The following NPAS3 variants were observed in gnomAD, a reference collection of about 807,000 sequenced individuals.
NPAS3 encodes neuronal PAS domain-containing protein 3.
NPAS3 carries 14 observed loss-of-function variants against 73.1 expected under a neutral mutation model. The observed-to-expected ratio is 0.19, with a 90% confidence interval of 0.13 to 0.30. NPAS3 has a LOEUF of 0.30. Among genes scored for constraint, NPAS3 ranks in the 10% least tolerant of loss-of-function variants. The pLI is 1.00. For synonymous variants in NPAS3, 620 were observed against 541.5 expected, an observed-to-expected ratio of 1.14 and a Z score of -2.01; for missense variants, 1,096 against 1,250.0, an observed-to-expected ratio of 0.88 and a Z score of 1.86.
intron 2 of NPAS3, among the ~76,000 whole-genome samples, chr14:33,142,536 T>A (rs1477994696): frequency 6.6e-6 from 1 of 152,192 alleles, no homozygotes; most frequent in Non-Finnish European, 1.5e-5. Context: ...TGCCATATTT[T>A]TATAATATGT....
chr14:33,640,158 A>C (rs181025623), intron 5 of NPAS3, among the ~76,000 whole-genome samples: 1 of 152,232 alleles, frequency 6.6e-6, no homozygotes, highest in African/African-American at 2.4e-5. Context: ...CGAAGGTTGC[A>C]GTGAGCCGAG....
At chr14:33,429,621 G>A (rs987244267) in intron 4 of NPAS3, among the ~76,000 whole-genome samples, 3 of 152,076 alleles carry the variant, frequency 2.0e-5, no homozygotes, top group African/African-American at 7.2e-5. Context: ...ATCCTTATAT[G>A]AGAAGAACAG....
At chr14:33,211,306 C>A (rs1213722181) in intron 2 of NPAS3, among the ~76,000 whole-genome samples, 1 of 152,160 alleles carries the variant, frequency 6.6e-6, no homozygotes, top group African/African-American at 2.4e-5. Flanking sequence ...TTAGGCTGGG[C>A]GTGGTGGCTC....
At chr14:33,384,627 C>T (rs903204415) in intron 4 of NPAS3, among the ~76,000 whole-genome samples, 17 of 152,012 alleles carry the variant, frequency 1.1e-4, no homozygotes, top group African/African-American at 3.6e-4. Context: ...TACTTGGGAG[C>T]CTGAGGCAGG....
At chr14:33,577,736 A>G (rs1181708194) in intron 5 of NPAS3, among the ~76,000 whole-genome samples, 1 of 152,218 alleles carries the variant, frequency 6.6e-6, no homozygotes, top group Non-Finnish European at 1.5e-5. Flanking sequence ...ATCCCAGTAA[A>G]TAGTGCCTTT....
At chr14:33,224,404 A>G (rs1163401719) in intron 3 of NPAS3, among the ~76,000 whole-genome samples, 2 of 152,174 alleles carry the variant, frequency 1.3e-5, no homozygotes, top group East Asian at 3.9e-4. Flanking sequence ...CTTAATAAAC[A>G]GGTGACCTCC....
At position 33,599,147 on chromosome 14, in the gene NPAS3, G is replaced by A. The variant is rs555526018; in HGVS notation, c.558+38937G>A. On this transcript the variant is annotated intron_variant, in intron 5 of 11. Coordinates refer to ENST00000356141, the Ensembl canonical transcript of NPAS3. ...CACATTTCCATATTTTTGCATGTCC[G>A]TGTATCTGTCTGTTATGTTTATGTG... Among the ~76,000 whole-genome samples the A allele has an allele frequency of 7.2e-5, 11 of 152,198 alleles. No homozygotes were observed. The South Asian group carries it at 1.2e-3, about 17-fold the overall frequency.
intron 4 of NPAS3, among the ~76,000 whole-genome samples, chr14:33,499,397 C>T (rs1053814383): frequency 3.3e-5 from 5 of 151,750 alleles, no homozygotes; most frequent in African/African-American, 4.8e-5. Context: ...ATAGAAAGAA[C>T]GTAAAATGAG....
chr14:33,088,379 C>T (rs2042107323), intron 2 of NPAS3, among the ~76,000 whole-genome samples: 1 of 152,216 alleles, frequency 6.6e-6, no homozygotes, highest in Non-Finnish European at 1.5e-5. Context: ...AACAGCACAC[C>T]AGGAGATTAT....
intron 6 of NPAS3, among the ~76,000 whole-genome samples, chr14:33,711,301 T>C (rs1396374925): frequency 6.6e-6 from 1 of 152,206 alleles, no homozygotes; most frequent in East Asian, 1.9e-4. Context: ...AGCACCTTCG[T>C]AACAATAACT....
At chr14:33,058,554 G>A (rs149558295) in intron 2 of NPAS3, among the ~76,000 whole-genome samples, 40 of 152,286 alleles carry the variant, frequency 2.6e-4, no homozygotes, top group African/African-American at 7.9e-4. Flanking sequence ...CTATTACAGC[G>A]ACGTTTTTCT....
chr14:33,140,201 G>A (rs577742957), intron 2 of NPAS3, among the ~76,000 whole-genome samples: 12 of 152,088 alleles, frequency 7.9e-5, no homozygotes, highest in Non-Finnish European at 5.9e-5. Context: ...TGAAATAAGT[G>A]TGGCATATCT....
chr14:33,652,409 C>T (rs548864222), intron 5 of NPAS3, among the ~76,000 whole-genome samples: 2 of 152,250 alleles, frequency 1.3e-5, no homozygotes, highest in South Asian at 4.1e-4. Context: ...CACTAGTTAG[C>T]ACAGATGACC....
chr14:33,301,555 G>A (rs556689938), intron 3 of NPAS3, among the ~76,000 whole-genome samples: 13 of 151,926 alleles, frequency 8.6e-5, no homozygotes, highest in African/African-American at 2.4e-4. Flanking sequence ...AAAGCTAAGC[G>A]TAGTGGGTAC....
At chr14:33,415,847 G>T (rs984842592) in intron 4 of NPAS3, among the ~76,000 whole-genome samples, 2 of 152,032 alleles carry the variant, frequency 1.3e-5, no homozygotes, top group Non-Finnish European at 2.9e-5. Flanking sequence ...CTTAGTTTTA[G>T]AACAGTTCCC....
At chr14:33,183,026 T>C (rs946395543) in intron 2 of NPAS3, among the ~76,000 whole-genome samples, 2 of 152,180 alleles carry the variant, frequency 1.3e-5, no homozygotes, top group African/African-American at 4.8e-5. Flanking sequence ...ATCTCTTCCT[T>C]GGACTCTTGT....
chr14:33,575,758 CTG>C (rs951355760), intron 5 of NPAS3, among the ~76,000 whole-genome samples: 1 of 152,118 alleles, frequency 6.6e-6, no homozygotes, highest in Admixed American at 6.5e-5. Flanking sequence ...AGATAGAAAA[CTG>C]TTTAATAATT....
intron 4 of NPAS3, among the ~76,000 whole-genome samples, chr14:33,371,732 G>A (rs927786803): frequency 1.3e-5 from 2 of 152,074 alleles, no homozygotes; most frequent in Non-Finnish European, 2.9e-5. Flanking sequence ...ATATTGAAAA[G>A]CATATTTTCT....
chr14:33,419,835 T>C, intron 4 of NPAS3, among the ~76,000 whole-genome samples: 1 of 151,892 alleles, frequency 6.6e-6, no homozygotes, highest in East Asian at 1.9e-4. Flanking sequence ...GGGAAAGAAC[T>C]CTTGAGACAA....
Sources: gnomAD v4.1 joint callset for allele counts (sites outside exome capture counted in the v4.1 genomes callset) on GRCh38, gnomAD v4.1.1 for gene constraint, MANE v1.5 for transcripts, NCBI Gene and HGNC (gene_info 2026-07-23, HGNC 2026-07-21) for gene names.